PRKG1: variants seen among roughly 807,000 people sequenced by gnomAD.
The protein encoded by PRKG1 is protein kinase cGMP-dependent 1.
A neutral mutation model predicts 88.1 loss-of-function variants in PRKG1; 35 were observed. That is an observed-to-expected ratio of 0.40 (90% CI 0.30 to 0.53). PRKG1 has a LOEUF of 0.53. Among genes scored for constraint, PRKG1 ranks in the 20% least tolerant of loss-of-function variants. PRKG1 has a pLI of 0.59. For missense variants in PRKG1, 540 were observed against 839.8 expected (o/e 0.64, Z 4.41); for synonymous variants, 303 against 292.5 (o/e 1.04, Z -0.37).
At chr10:51,576,371 T>G (rs1187113996) in intron 3 of PRKG1, among the ~76,000 whole-genome samples, 1 of 152,002 alleles carries the variant, frequency 6.6e-6, no homozygotes, top group Non-Finnish European at 1.5e-5. Context: ...TGTTCAACAA[T>G]GTATCATGGG....
intron 9 of PRKG1, among the ~76,000 whole-genome samples, chr10:52,217,756 G>A (rs1241975790): frequency 2.0e-5 from 3 of 152,110 alleles, no homozygotes; most frequent in African/African-American, 7.2e-5. Flanking sequence ...CCTCAGCCCT[G>A]TTGGTAGTAT....
intron 9 of PRKG1, among the ~76,000 whole-genome samples, chr10:52,164,494 A>G (rs982941865): frequency 5.9e-5 from 9 of 152,182 alleles, no homozygotes; most frequent in Non-Finnish European, 7.3e-5. Context: ...TACTTGGACA[A>G]GAAGTCTCTA....
chr10:52,131,412 TG>T (rs1222889696), intron 7 of PRKG1, among the ~76,000 whole-genome samples: 1 of 152,096 alleles, frequency 6.6e-6, no homozygotes, highest in Admixed American at 6.6e-5. Flanking sequence ...CAATTCATGA[TG>T]GCATCCCTGA....
intron 3 of PRKG1, among the ~76,000 whole-genome samples, chr10:51,728,786 T>C (rs1424051424): frequency 6.6e-6 from 1 of 152,162 alleles, no homozygotes; most frequent in African/African-American, 2.4e-5. Context: ...TATCAAATAT[T>C]GATGCTTCAT....
intron 2 of PRKG1, among the ~76,000 whole-genome samples, chr10:51,448,375 A>T (rs895248863): frequency 3.9e-5 from 6 of 152,082 alleles, no homozygotes; most frequent in Non-Finnish European, 8.8e-5. Flanking sequence ...TCCACATCTT[A>T]CCACAGATGT....
intron 3 of PRKG1, among the ~76,000 whole-genome samples, chr10:51,551,474 A>G (rs1012689518): frequency 6.6e-6 from 1 of 151,928 alleles, no homozygotes; most frequent in East Asian, 1.9e-4. Context: ...GAATTTGTTC[A>G]TAAACAGATT....
intron 4 of PRKG1, among the ~76,000 whole-genome samples, chr10:51,825,995 G>A (rs1466699224): frequency 6.6e-6 from 1 of 152,212 alleles, no homozygotes. Flanking sequence ...CAGTGAACTT[G>A]ATGCCCATTC....
chr10:51,637,352 C>G (rs1839681977), intron 3 of PRKG1, among the ~76,000 whole-genome samples: 2 of 152,166 alleles, frequency 1.3e-5, no homozygotes, highest in Admixed American at 6.5e-5. Flanking sequence ...TTGTGGAAGA[C>G]AGTGTGGCAA....
At chr10:51,283,927 A>G (rs1175233173) in intron 2 of PRKG1, among the ~76,000 whole-genome samples, 2 of 152,194 alleles carry the variant, frequency 1.3e-5, no homozygotes, top group Non-Finnish European at 2.9e-5. Context: ...AGTAGTCAAT[A>G]AAGAAGTGAA....
intron 3 of PRKG1, among the ~76,000 whole-genome samples, chr10:51,479,828 G>A (rs1221998279): frequency 6.6e-6 from 1 of 151,982 alleles, no homozygotes; most frequent in African/African-American, 2.4e-5. Flanking sequence ...TACATGTGTG[G>A]TGGTTGACTT....
At chr10:51,319,622 C>T (rs114955101) in intron 2 of PRKG1, among the ~76,000 whole-genome samples, 5,597 of 152,292 alleles carry the variant, frequency 0.037, 136 homozygotes, top group South Asian at 0.076. Context: ...AGGGATTTAT[C>T]TCCCAGGCAT....
chr10:51,331,313 T>C (rs1251966502), intron 2 of PRKG1, among the ~76,000 whole-genome samples: 3 of 151,942 alleles, frequency 2.0e-5, no homozygotes, highest in Admixed American at 1.3e-4. Flanking sequence ...GTAAGTCCCA[T>C]GGTGGTGCAA....
chr10:51,414,786 T>C (rs1838193616), intron 2 of PRKG1, among the ~76,000 whole-genome samples: 2 of 152,212 alleles, frequency 1.3e-5, no homozygotes, highest in Non-Finnish European at 2.9e-5. Flanking sequence ...AACAATATTA[T>C]GATTCTACAC....
At chr10:51,969,300 A>C (rs1351620958) in intron 5 of PRKG1, among the ~76,000 whole-genome samples, 1 of 152,152 alleles carries the variant, frequency 6.6e-6, no homozygotes, top group African/African-American at 2.4e-5. Flanking sequence ...CTTAATCATC[A>C]TCATGCCTCA....
intron 2 of PRKG1, among the ~76,000 whole-genome samples, chr10:51,309,061 C>T (rs1474060519): frequency 1.3e-5 from 2 of 152,106 alleles, no homozygotes; most frequent in Admixed American, 1.3e-4. Flanking sequence ...GTTCCTTCTC[C>T]CTCTCTTGCC....
chr10:51,754,675 T>C (rs1386445059), intron 3 of PRKG1, among the ~76,000 whole-genome samples: 1 of 152,228 alleles, frequency 6.6e-6, no homozygotes, highest in Non-Finnish European at 1.5e-5. Flanking sequence ...TAACATGCTG[T>C]CTTGCAGAAG....
chr10:51,025,056 G>A (rs968821492), intron 1 of PRKG1, among the ~76,000 whole-genome samples: 1 of 152,136 alleles, frequency 6.6e-6, no homozygotes, highest in African/African-American at 2.4e-5. Flanking sequence ...CTGGGTGCAG[G>A]CTAAAAACCC....
chr10:52,149,908 A>G (rs1260014065), intron 8 of PRKG1, among the ~76,000 whole-genome samples: 1 of 152,002 alleles, frequency 6.6e-6, no homozygotes, highest in African/African-American at 2.4e-5. Context: ...GCACTTTGGG[A>G]GGCCAAGGTG....
intron 1 of PRKG1, among the ~76,000 whole-genome samples, chr10:51,004,163 C>A (rs1019914228): frequency 1.3e-5 from 2 of 152,104 alleles, no homozygotes; most frequent in African/African-American, 4.8e-5. Flanking sequence ...ATAAACTTTT[C>A]TATTAAAAAA....
Sources: gnomAD v4.1 joint callset for allele counts (sites outside exome capture counted in the v4.1 genomes callset) on GRCh38, gnomAD v4.1.1 for gene constraint, MANE v1.5 for transcripts, NCBI Gene and HGNC (gene_info 2026-07-23, HGNC 2026-07-21) for gene names.